NELL1: variants seen among roughly 807,000 people sequenced by gnomAD.
NELL1 encodes neural EGFL like 1.
NELL1 carries 76 observed loss-of-function variants against 107.4 expected under a neutral mutation model. The observed-to-expected ratio is 0.71, with a 90% CI of 0.59 to 0.86. NELL1 has a LOEUF of 0.86. Ranked by LOEUF, NELL1 falls within the 40% of genes least tolerant of loss-of-function variation. NELL1 has a pLI of 0.00. For missense variants in NELL1, 1,024 were observed against 1,005.5 expected, an observed-to-expected ratio of 1.02 and a Z score of -0.25; for synonymous variants, 353 against 341.2, an observed-to-expected ratio of 1.03 and a Z score of -0.38.
intron 16 of NELL1, among the ~76,000 whole-genome samples, chr11:21,555,610 A>C (rs1856685763): frequency 6.6e-6 from 1 of 151,876 alleles, no homozygotes; most frequent in South Asian, 2.1e-4. Flanking sequence ...CACCATAGGA[A>C]AGGGTTTCTT....
intron 13 of NELL1, among the ~76,000 whole-genome samples, chr11:21,137,127 T>C (rs1318333726): frequency 2.0e-5 from 3 of 152,198 alleles, no homozygotes; most frequent in Non-Finnish European, 4.4e-5. Flanking sequence ...ATTCATCTTA[T>C]AAGTGAATGG....
intron 14 of NELL1, among the ~76,000 whole-genome samples, chr11:21,276,986 G>A (rs1848879179): frequency 6.6e-6 from 1 of 151,240 alleles, no homozygotes; most frequent in Non-Finnish European, 1.5e-5. Flanking sequence ...ACATAGGCAT[G>A]GGCAAGGACT....
intron 2 of NELL1, among the ~76,000 whole-genome samples, chr11:20,756,550 A>G (rs1367879761): frequency 2.4e-5 from 3 of 126,476 alleles, no homozygotes; most frequent in Non-Finnish European, 4.9e-5. Flanking sequence ...TTTAGTAGAG[A>G]CAGGGTTTCA....
intron 14 of NELL1, among the ~76,000 whole-genome samples, chr11:21,342,455 G>A (rs1850590570): frequency 6.6e-6 from 1 of 151,162 alleles, no homozygotes; most frequent in Non-Finnish European, 1.5e-5. Context: ...GACCAGCCTG[G>A]GCAACATAGC....
chr11:21,283,401 G>T (rs72951468), intron 14 of NELL1, among the ~76,000 whole-genome samples: 6 of 152,258 alleles, frequency 3.9e-5, no homozygotes, highest in Non-Finnish European at 8.8e-5. Flanking sequence ...AGTGGAAGAG[G>T]TTGTGCTTAT....
intron 14 of NELL1, among the ~76,000 whole-genome samples, chr11:21,337,054 G>C (rs1590848546): frequency 6.6e-6 from 1 of 151,970 alleles, no homozygotes; most frequent in South Asian, 2.1e-4. Context: ...TGTTGAAATG[G>C]AAAGAATTCT....
chr11:20,779,028 C>T lies in NELL1; in HGVS notation c.185-4652C>T, dbSNP rs77908853. Among the ~76,000 whole-genome samples the T allele has an allele frequency of 5.8e-3, 887 of 152,082 alleles. 9 individuals carry two copies. The highest frequency in any genetic ancestry group is 0.02 in the African/African-American group (846 of 41,496). On this transcript the variant is annotated intron_variant, in intron 2 of 19. Transcript: ENST00000357134. The stretch of plus-strand genomic sequence containing the variant: ...TTATGAGGACTGGAGCTGAGGTTAA[C>T]GAAAAGGGAGGGGGCTCAGCAAATG...
chr11:21,215,249 A>G (rs1029362251), intron 13 of NELL1, among the ~76,000 whole-genome samples: 3 of 152,148 alleles, frequency 2.0e-5, no homozygotes, highest in Non-Finnish European at 4.4e-5. Context: ...GCCACCATGT[A>G]AAGAAGGACA....
intron 12 of NELL1, among the ~76,000 whole-genome samples, chr11:21,038,689 G>A (rs893386105): frequency 1.3e-5 from 2 of 152,092 alleles, no homozygotes; most frequent in African/African-American, 4.8e-5. Context: ...ATCATGATCT[G>A]AACACACTGA....
intron 13 of NELL1, among the ~76,000 whole-genome samples, chr11:21,155,961 G>A (rs749040446): frequency 6.6e-5 from 10 of 152,152 alleles, no homozygotes; most frequent in Non-Finnish European, 7.4e-5. Flanking sequence ...CCCACATGGC[G>A]AGCACAGGTC....
chr11:21,526,843 A>G (rs753646937), intron 15 of NELL1, among the ~76,000 whole-genome samples: 3 of 152,190 alleles, frequency 2.0e-5, no homozygotes, highest in East Asian at 1.9e-4. Flanking sequence ...AGCCCCAAAA[A>G]CCACTTTTCC....
chr11:21,514,897 T>C (rs750743304), intron 15 of NELL1, among the ~76,000 whole-genome samples: 2 of 152,192 alleles, frequency 1.3e-5, no homozygotes, highest in African/African-American at 2.4e-5. Flanking sequence ...AATGTCATTA[T>C]TGAGAAGCCA....
At chr11:20,819,544 T>G (rs1442322650) in intron 3 of NELL1, among the ~76,000 whole-genome samples, 1 of 152,224 alleles carries the variant, frequency 6.6e-6, no homozygotes, top group African/African-American at 2.4e-5. Flanking sequence ...GCTGGACAAC[T>G]GCAATGTCTG....
intron 2 of NELL1, among the ~76,000 whole-genome samples, chr11:20,714,865 T>C (rs1855202378): frequency 6.6e-6 from 1 of 152,076 alleles, no homozygotes; most frequent in Non-Finnish European, 1.5e-5. Flanking sequence ...AAGTGTAGAG[T>C]ACGTTCACCT....
intron 14 of NELL1, among the ~76,000 whole-genome samples, chr11:21,315,655 C>T (rs1849863057): frequency 6.6e-6 from 1 of 152,176 alleles, no homozygotes; most frequent in African/African-American, 2.4e-5. Context: ...TACCTCCTTT[C>T]TGAATGATTG....
rs557634168 is a variant in NELL1 at position 21,575,275 on chromosome 11, G to A, written c.*253G>A. The stretch of plus-strand genomic sequence containing the variant: ...CAATGGTTGTTAAAAGAAGTTTCCC[G>A]TGTTGTAAATCATGTTTCCCTTATC... On this transcript the variant is annotated 3_prime_UTR_variant, in exon 20 of 20. Coordinates refer to ENST00000357134, the MANE Select transcript of NELL1 (RefSeq NM_006157.5). 7.0e-4 allele frequency: 302 copies of A among 432,162 alleles called. No individual in the cohort carries two copies. The highest frequency in any genetic ancestry group is 1.9e-4 in the Non-Finnish European group (44 of 237,280). 26.8% of individuals were successfully genotyped at this position (432,162 alleles called of 1,614,324 possible).
At chr11:21,394,848 A>G (rs1317793982) in intron 15 of NELL1, among the ~76,000 whole-genome samples, 1 of 151,558 alleles carries the variant, frequency 6.6e-6, no homozygotes, top group African/African-American at 2.4e-5. Context: ...TTAGTTAAGG[A>G]TATACATTGA....
chr11:21,005,162 A>T (rs12788869), intron 12 of NELL1, among the ~76,000 whole-genome samples: 1 of 152,050 alleles, frequency 6.6e-6, no homozygotes, highest in African/African-American at 2.4e-5. Flanking sequence ...TATATTTACC[A>T]ACATGAGTGG....
At chr11:20,706,339 T>TA (rs1257852114) in intron 2 of NELL1, among the ~76,000 whole-genome samples, 2 of 152,018 alleles carry the variant, frequency 1.3e-5, no homozygotes, top group Non-Finnish European at 2.9e-5. Flanking sequence ...TATGCAGCCA[T>TA]AAAAAATGAT....
Sources: allele counts gnomAD v4.1 joint callset (sites outside exome capture counted in the v4.1 genomes callset), GRCh38; gene constraint gnomAD v4.1.1; transcripts MANE v1.5; gene names NCBI Gene and HGNC (gene_info 2026-07-23, HGNC 2026-07-21).